MAPK8: variants seen among roughly 807,000 people sequenced by gnomAD.
MAPK8 encodes the protein mitogen-activated protein kinase 8.
Under a neutral mutation model 52.9 loss-of-function variants are expected in MAPK8, and 13 were observed. The ratio of observed to expected loss-of-function variants is 0.25; its 90% CI spans 0.16 to 0.39. The LOEUF is 0.39. Among genes scored for constraint, MAPK8 ranks in the 10% least tolerant of loss-of-function variants. MAPK8 has a pLI of 1.00. For synonymous variants in MAPK8, 191 were observed against 169.8 expected (o/e 1.12, Z -0.97); for missense variants, 300 against 519.2 (o/e 0.58, Z 4.10).
chr10:48,430,098 G>T (rs2044069768), intron 10 of MAPK8: 1 of 152,094 alleles, frequency 6.6e-6, no homozygotes, highest in South Asian at 2.1e-4. Context: ...GTTTGTTTTT[G>T]TTTTTTTGTT....
At chr10:48,337,395 A>ATT (rs59146076) in intron 1 of MAPK8, among the ~76,000 whole-genome samples, 8 of 151,806 alleles carry the variant, frequency 5.3e-5, no homozygotes, top group South Asian at 4.1e-4. Context: ...CAGAAATACA[A>ATT]TTTTTTTTGG....
intron 2 of MAPK8, 141 bp downstream of exon 2, chr10:48,401,923 C>A: frequency 1.7e-6 from 1 of 604,260 alleles, no homozygotes; most frequent in African/African-American, 2.0e-5. Context: ...AACTATTCCA[C>A]AGTAAATTGT....
Position 48,436,860 on chromosome 10 carries a change from A to T in MAPK8, c.*1831A>T, listed in dbSNP as rs1213307044. 1 of 152,230 alleles carries T rather than the reference A, an allele frequency of 6.6e-6. No homozygotes were observed. The highest frequency in any genetic ancestry group is 6.5e-5 in the Admixed American group (1 of 15,282). 9.4% of individuals were successfully genotyped at this position (152,230 alleles called of 1,614,324 possible). On this transcript the variant is annotated 3_prime_UTR_variant, in exon 12 of 12. Coordinates refer to ENST00000374189, the MANE Select transcript of MAPK8 (RefSeq NM_001323329.2). ...TGATTAGGCAAATTAGAGTTCTAAG[A>T]CACTTCTTGAATTGTAGACAGAAAA...
intron 3 of MAPK8, among the ~76,000 whole-genome samples, chr10:48,409,104 G>A (rs1050048281): frequency 1.3e-5 from 2 of 152,046 alleles, no homozygotes; most frequent in African/African-American, 4.8e-5. Flanking sequence ...GTGTGTGAGG[G>A]ACAATCAATC....
intron 1 of MAPK8, among the ~76,000 whole-genome samples, chr10:48,379,692 T>C (rs770836997): frequency 3.9e-5 from 6 of 152,176 alleles, no homozygotes; most frequent in Non-Finnish European, 5.9e-5. Context: ...ATTTCAGTCC[T>C]CTATCAGTTC....
At chr10:48,397,299 C>G (rs751285208) in intron 1 of MAPK8, among the ~76,000 whole-genome samples, 32 of 151,930 alleles carry the variant, frequency 2.1e-4, no homozygotes, top group Admixed American at 1.4e-3. Context: ...TAGATGTGCA[C>G]TACTACTGTG....
At chr10:48,367,724 A>G (rs1008408378) in intron 1 of MAPK8, among the ~76,000 whole-genome samples, 2 of 152,230 alleles carry the variant, frequency 1.3e-5, no homozygotes, top group East Asian at 3.8e-4. Context: ...GGTAACTTTT[A>G]GTTCAATGTT....
chr10:48,410,076 C>G lies in MAPK8; in HGVS notation c.358C>G (p.Gln120Glu). ...GGATGCAAATCTTTGCCAAGTGATTCAGATGGAGCTAGATCATGAAAGAAT... is the reference window on the plus strand; with the variant it reads ...GGATGCAAATCTTTGCCAAGTGATTGAGATGGAGCTAGATCATGAAAGAAT... Reference protein sequence around the residue: ...LMDANLCQVIQMELDHERMSY... With the variant: ...LMDANLCQVIEMELDHERMSY... Residue 120 changes from glutamine (Q) to glutamate (E), a missense_variant, in exon 5 of 12, where the codon CAG becomes GAG. Around this residue, in one of 3 missense-constraint regions of MAPK8, gnomAD observed 147 missense variants for 328.1 expected, o/e 0.45. Transcript: ENST00000374189. The G allele has an allele frequency of 6.2e-7, 1 of 1,603,210 alleles. No homozygotes were observed. The highest frequency in any genetic ancestry group is 1.1e-5 in the South Asian group (1 of 88,328).
At chr10:48,387,638 G>A (rs2041394104) in intron 1 of MAPK8, among the ~76,000 whole-genome samples, 1 of 152,156 alleles carries the variant, frequency 6.6e-6, no homozygotes, top group Non-Finnish European at 1.5e-5. Context: ...TAAAATGACA[G>A]TTTCAGTAGT....
rs553330918 is a variant in MAPK8 at position 48,401,447 on chromosome 10, C to T, written c.-49-165C>T. Among the ~76,000 whole-genome samples the T allele has an allele frequency of 5.2e-4, 79 of 151,952 alleles. 1 individual carries two copies. The highest frequency in any genetic ancestry group is 1.8e-3 in the African/African-American group (76 of 41,370). Reference sequence around the variant, plus strand: ...CTATCAGTCATTCATATGGCATATGCTAATCAAGGCTCTGCGGTATTTTTT... The same window carrying T: ...CTATCAGTCATTCATATGGCATATGTTAATCAAGGCTCTGCGGTATTTTTT... On this transcript the variant is annotated intron_variant, in intron 1 of 11. Transcript: ENST00000374189.
rs2133187146 is a variant in MAPK8, at chr10:48,420,259, T to C, written c.555T>C (p.Tyr185=). Residue 185 remains tyrosine, a synonymous_variant, in exon 6 of 12, where the codon TAT becomes TAC. Transcript: ENST00000374189. ...TAGTSFMMTP[Y]VVTRYYRAPE... ...GAACGAGTTTTATGATGACGCCTTA[T>C]GTAGTGACTCGCTACTACAGAGCAC... 1.2e-6 allele frequency: 2 copies of C among 1,613,962 alleles called. No individual in the cohort carries two copies. The highest frequency in any genetic ancestry group is 2.2e-5 in the East Asian group (1 of 44,882).
chr10:48,405,055 CTAAA>C, intron 3 of MAPK8, 74 bp downstream of exon 3: 4 of 940,372 alleles, frequency 4.3e-6, no homozygotes, highest in Admixed American at 2.6e-5. Flanking sequence ...ATATCAAAGA[CTAAA>C]TATTAGGGGC....
chr10:48,401,645 T>C lies in MAPK8; in HGVS notation c.-16T>C. Reference sequence around the variant, plus strand: ...TGAATTTTTGGATGAAGCCATTAAATTAATTGCTTGCCATCATGAGCAGAA... The same window carrying C: ...TGAATTTTTGGATGAAGCCATTAAACTAATTGCTTGCCATCATGAGCAGAA... On this transcript the variant is annotated 5_prime_UTR_variant, in exon 2 of 12. Transcript: ENST00000374189. 1.2e-6 allele frequency: 2 copies of C among 1,610,412 alleles called. No homozygotes were observed. The highest frequency in any genetic ancestry group is 1.7e-6 in the Non-Finnish European group (2 of 1,178,730).
intron 1 of MAPK8, among the ~76,000 whole-genome samples, chr10:48,334,042 C>T (rs866544572): frequency 2.0e-5 from 3 of 152,264 alleles, no homozygotes; most frequent in South Asian, 4.1e-4. Flanking sequence ...CAGCATGTTC[C>T]GGGCGCCTCT....
intron 1 of MAPK8, among the ~76,000 whole-genome samples, chr10:48,379,008 A>G (rs1004905772): frequency 6.6e-6 from 1 of 152,182 alleles, no homozygotes; most frequent in African/African-American, 2.4e-5. Context: ...GGCCTGATTT[A>G]TTTGCATAAA....
rs546645540 is a variant in MAPK8 at position 48,325,010 on chromosome 10, C to T, written c.-50+18189C>T. 9.2e-5 allele frequency among the ~76,000 whole-genome samples: 14 copies of T among 151,426 alleles called. No individual in the cohort carries two copies. In the East Asian group the frequency reaches 2.5e-3, roughly 27 times the overall value. On this transcript the variant is annotated intron_variant, in intron 1 of 11. Coordinates refer to ENST00000374189, the MANE Select transcript of MAPK8 (RefSeq NM_001323329.2). ...TTTTTTTTTGAGATGGAGTCTTGCT[C>T]TGTCACCCAGGCTGGAGTGCAGTGG...
intron 5 of MAPK8, among the ~76,000 whole-genome samples, chr10:48,417,833 C>G (rs1012332240): frequency 6.6e-6 from 1 of 152,192 alleles, no homozygotes; most frequent in South Asian, 2.1e-4. Context: ...ATTCTAGGCT[C>G]TGTTCCCTTT....
chr10:48,401,236 T>G (rs2042143588), intron 1 of MAPK8, among the ~76,000 whole-genome samples: 1 of 152,248 alleles, frequency 6.6e-6, no homozygotes, highest in Non-Finnish European at 1.5e-5. Context: ...ATTAAGGTTT[T>G]TATTCTCTAT....
intron 1 of MAPK8, among the ~76,000 whole-genome samples, chr10:48,368,556 GT>G (rs1448164671): frequency 1.3e-5 from 2 of 152,228 alleles, no homozygotes; most frequent in African/African-American, 4.8e-5. Flanking sequence ...GAGTCCTGAA[GT>G]TCCTGGAATC....
Sources: gnomAD v4.1 joint callset for allele counts (sites outside exome capture counted in the v4.1 genomes callset) on GRCh38, gnomAD v4.1.1 for gene constraint, gnomAD v4.1.1 regional missense constraint, MANE v1.5 for transcripts, NCBI Gene and HGNC (gene_info 2026-07-23, HGNC 2026-07-21) for gene names.